SGCD: variants seen among roughly 807,000 people sequenced by gnomAD.
SGCD encodes delta-sarcoglycan.
SGCD carries 18 observed loss-of-function variants against 36.6 expected under a neutral mutation model. The observed-to-expected ratio is 0.49, with a 90% confidence interval of 0.34 to 0.73. SGCD has a LOEUF of 0.73. SGCD is among the 30% of genes least tolerant of loss of function. The probability of loss-of-function intolerance (pLI) is 0.01; values close to 1 mark genes in which losing one functional copy is unlikely to be tolerated. For missense variants in SGCD, 387 were observed against 346.7 expected (o/e 1.12, Z -0.92); for synonymous variants, 133 against 130.6 (o/e 1.02, Z -0.12).
At chr5:155,978,639 G>A (rs569303141) in intron 1 of SGCD, among the ~76,000 whole-genome samples, 72 of 152,274 alleles carry the variant, frequency 4.7e-4, no homozygotes, top group African/African-American at 1.3e-3. Flanking sequence ...CTTAGTCCTC[G>A]CCAGATATAA....
At chr5:156,699,060 G>T (rs1754430878) in intron 7 of SGCD, among the ~76,000 whole-genome samples, 1 of 152,080 alleles carries the variant, frequency 6.6e-6, no homozygotes, top group African/African-American at 2.4e-5. Context: ...ATCTTATTCT[G>T]CTCTGTGTGG....
At chr5:156,462,453 G>A (rs969961182) in intron 3 of SGCD, among the ~76,000 whole-genome samples, 10 of 152,104 alleles carry the variant, frequency 6.6e-5, no homozygotes, top group South Asian at 2.1e-4. Context: ...TTAACTATTG[G>A]AGAAATCAAG....
chr5:156,100,540 A>G (rs1432117722), intron 1 of SGCD, among the ~76,000 whole-genome samples: 1 of 152,186 alleles, frequency 6.6e-6, no homozygotes, highest in African/African-American at 2.4e-5. Context: ...TCCTTTCGTT[A>G]TAAGAAATCC....
At chr5:156,283,444 A>C (rs1766510442) in intron 3 of SGCD, among the ~76,000 whole-genome samples, 1 of 152,116 alleles carries the variant, frequency 6.6e-6, no homozygotes, top group Non-Finnish European at 1.5e-5. Flanking sequence ...TCTGCCATCC[A>C]TTCTTTATAG....
chr5:156,651,255 G>A (rs1262420351), intron 7 of SGCD, among the ~76,000 whole-genome samples: 2 of 151,996 alleles, frequency 1.3e-5, no homozygotes, highest in Non-Finnish European at 2.9e-5. Context: ...TTTGTAGACT[G>A]TTTATCCTGT....
intron 3 of SGCD, among the ~76,000 whole-genome samples, chr5:156,471,553 T>A (rs1484312143): frequency 6.6e-6 from 1 of 152,094 alleles, no homozygotes; most frequent in Non-Finnish European, 1.5e-5. Flanking sequence ...GTCATTCGAT[T>A]TGAGGAAATA....
At chr5:156,167,673 G>T (rs1380405172) in intron 3 of SGCD, among the ~76,000 whole-genome samples, 2 of 152,096 alleles carry the variant, frequency 1.3e-5, no homozygotes, top group Admixed American at 6.5e-5. Flanking sequence ...CTCTTGTCGT[G>T]TGATACGCCT....
rs555994137 is a variant in SGCD, at chr5:156,059,189, T to C, written c.-281-58689T>C. Among the ~76,000 whole-genome samples, 13 of 145,824 alleles carry C rather than the reference T, an allele frequency of 8.9e-5. No individual in the cohort carries two copies. The East Asian group carries it at 2.3e-3, about 26-fold the overall frequency. On this transcript the variant is annotated intron_variant, in intron 1 of 9. Transcript: ENST00000517913. ...TGATTAAATTGTCCCACCTCGTGAATGACTAGGCTTAACAAGCAAAACCCA... is the reference window on the plus strand; with the variant it reads ...TGATTAAATTGTCCCACCTCGTGAACGACTAGGCTTAACAAGCAAAACCCA...
chr5:155,825,295 A>C, the SGCD span, among the ~76,000 whole-genome samples: 2 of 152,340 alleles, frequency 1.3e-5, no homozygotes, highest in East Asian at 3.9e-4. Context: ...CTAAATAGCA[A>C]GGGGAGAGGG....
chr5:155,813,641 T>A, the SGCD span, among the ~76,000 whole-genome samples: 5 of 152,234 alleles, frequency 3.3e-5, no homozygotes, highest in African/African-American at 1.2e-4. Context: ...AAGGTTTATG[T>A]AGGTTGACTC....
At chr5:156,313,268 G>A (rs2127691823) in intron 3 of SGCD, among the ~76,000 whole-genome samples, 2 of 152,184 alleles carry the variant, frequency 1.3e-5, no homozygotes, top group Middle Eastern at 3.4e-3. Context: ...AAGCTGTGAA[G>A]ACATTTCTCT....
chr5:156,090,450 A>G (rs565868277), intron 1 of SGCD, among the ~76,000 whole-genome samples: 1 of 149,872 alleles, frequency 6.7e-6, no homozygotes, highest in Non-Finnish European at 1.5e-5. Flanking sequence ...GCAAATTTTT[A>G]TTAGGGATTT....
chr5:155,887,877 A>G (rs993776292), intron 1 of SGCD, among the ~76,000 whole-genome samples: 2 of 152,214 alleles, frequency 1.3e-5, no homozygotes, highest in African/African-American at 4.8e-5. Context: ...CTTTATGTTG[A>G]TCCTTAATTT....
At chr5:156,473,472 C>A (rs549565269) in intron 3 of SGCD, among the ~76,000 whole-genome samples, 1 of 152,324 alleles carries the variant, frequency 6.6e-6, no homozygotes, top group Admixed American at 6.5e-5. Context: ...GAATGGCACA[C>A]AATTTACAAC....
At chr5:156,578,014 A>T (rs1365469249) in intron 4 of SGCD, among the ~76,000 whole-genome samples, 1 of 152,170 alleles carries the variant, frequency 6.6e-6, no homozygotes, top group Non-Finnish European at 1.5e-5. Context: ...GGATGCTTCC[A>T]GTTTTTGCCC....
chr5:156,396,783 C>T (rs569533220), intron 3 of SGCD, among the ~76,000 whole-genome samples: 8 of 152,300 alleles, frequency 5.3e-5, no homozygotes, highest in East Asian at 1.9e-4. Flanking sequence ...GCTGACCATG[C>T]ACTGTTTCAC....
At chr5:155,802,134 G>C in the SGCD span, among the ~76,000 whole-genome samples, 1 of 152,206 alleles carries the variant, frequency 6.6e-6, no homozygotes, top group Non-Finnish European at 1.5e-5. Context: ...AGAGATCCTT[G>C]TCAGTCCCAG....
chr5:156,433,878 A>G (rs1580986813), intron 3 of SGCD, among the ~76,000 whole-genome samples: 1 of 152,152 alleles, frequency 6.6e-6, no homozygotes, highest in African/African-American at 2.4e-5. Flanking sequence ...GGCTATAGTA[A>G]TTGTTGACCT....
At chr5:155,800,204 G>C in the SGCD span, among the ~76,000 whole-genome samples, 102 of 152,166 alleles carry the variant, frequency 6.7e-4, no homozygotes, top group African/African-American at 2.3e-3. Context: ...TTCTTCCTTT[G>C]CACTCATATT....
Sources: gnomAD v4.1 joint callset for allele counts (sites outside exome capture counted in the v4.1 genomes callset) on GRCh38, gnomAD v4.1.1 for gene constraint, MANE v1.5 for transcripts, NCBI Gene and HGNC (gene_info 2026-07-23, HGNC 2026-07-21) for gene names.